Variants in COBL observed in about 807,000 individuals in gnomAD.
COBL encodes cordon-bleu WH2 repeat protein.
Under a neutral mutation model 98.8 loss-of-function variants are expected in COBL, and 51 were observed. That is an observed-to-expected ratio of 0.52 (90% CI 0.41 to 0.65). The LOEUF is 0.65. Ranked by LOEUF, COBL falls within the 30% of genes least tolerant of loss-of-function variation. The probability of loss-of-function intolerance (pLI) is 0.00; values close to 1 mark genes in which losing one functional copy is unlikely to be tolerated. For missense variants in COBL, 1,617 were observed against 1,617.5 expected (o/e 1.00, Z 0.01); for synonymous variants, 634 against 651.7 (o/e 0.97, Z 0.41).
chr7:51,083,941 A>G (rs1419266524), intron 7 of COBL, among the ~76,000 whole-genome samples: 1 of 152,156 alleles, frequency 6.6e-6, no homozygotes, highest in Non-Finnish European at 1.5e-5. Context: ...TTAAAATTTA[A>G]ACCAGGGGCT....
intron 5 of COBL, among the ~76,000 whole-genome samples, chr7:51,180,284 A>G (rs1788809167): frequency 6.6e-6 from 1 of 152,198 alleles, no homozygotes; most frequent in Non-Finnish European, 1.5e-5. Flanking sequence ...CCTTGTCGAC[A>G]TGGTTCCCTT....
At chr7:51,286,060 G>A (rs1393701926) in intron 1 of COBL, among the ~76,000 whole-genome samples, 4 of 152,106 alleles carry the variant, frequency 2.6e-5, no homozygotes, top group Admixed American at 2.6e-4. Context: ...AGAAGTAGCA[G>A]AAGAACTTCG....
intron 4 of COBL, among the ~76,000 whole-genome samples, chr7:51,189,358 G>A (rs557557644): frequency 6.6e-6 from 1 of 152,312 alleles, no homozygotes; most frequent in African/African-American, 2.4e-5. Context: ...ATATGGCCAG[G>A]CGCAGTGGCT....
At chr7:51,239,845 G>A (rs1795610033) in intron 1 of COBL, among the ~76,000 whole-genome samples, 2 of 152,166 alleles carry the variant, frequency 1.3e-5, no homozygotes, top group African/African-American at 4.8e-5. Flanking sequence ...TTTATTGATT[G>A]TCTAGATCAG....
At chr7:51,073,265 G>A (rs1792737803) in intron 7 of COBL, 4 of 614,754 alleles carry the variant, frequency 6.5e-6, no homozygotes, top group Non-Finnish European at 1.2e-5. Context: ...CCTGAAAGGA[G>A]GAAGAACAAC....
At chr7:51,172,881 T>C (rs942189181) in intron 5 of COBL, among the ~76,000 whole-genome samples, 1 of 152,018 alleles carries the variant, frequency 6.6e-6, no homozygotes, top group African/African-American at 2.4e-5. Flanking sequence ...CTCCACCTCC[T>C]GGGTTTGAGT....
chr7:51,311,543 A>C (rs1803039907), intron 1 of COBL, among the ~76,000 whole-genome samples: 1 of 152,236 alleles, frequency 6.6e-6, no homozygotes, highest in African/African-American at 2.4e-5. Flanking sequence ...CAAGAGGAAA[A>C]AAGTTTTAAT....
intron 1 of COBL, among the ~76,000 whole-genome samples, chr7:51,273,583 T>C (rs1220757054): frequency 6.6e-6 from 1 of 152,194 alleles, no homozygotes; most frequent in Non-Finnish European, 1.5e-5. Flanking sequence ...CACCTGCTTC[T>C]GCCGTTAGAC....
intron 5 of COBL, among the ~76,000 whole-genome samples, chr7:51,159,408 C>T (rs903251084): frequency 9.2e-5 from 14 of 152,138 alleles, no homozygotes; most frequent in African/African-American, 2.9e-4. Flanking sequence ...ACTGTGATGG[C>T]GGAGATGTCA....
chr7:51,192,853 T>G (rs1790241835), intron 3 of COBL, among the ~76,000 whole-genome samples: 1 of 152,184 alleles, frequency 6.6e-6, no homozygotes, highest in African/African-American at 2.4e-5. Flanking sequence ...AGAACTACAC[T>G]GTCCAATCAG....
intron 6 of COBL, among the ~76,000 whole-genome samples, chr7:51,109,131 C>T (rs370305207): frequency 1.3e-5 from 2 of 152,204 alleles, no homozygotes; most frequent in Non-Finnish European, 2.9e-5. Flanking sequence ...CACCAGGCAG[C>T]CTCTTCCCTC....
intron 1 of COBL, among the ~76,000 whole-genome samples, chr7:51,268,727 C>T (rs1383850997): frequency 2.0e-5 from 3 of 151,864 alleles, no homozygotes; most frequent in African/African-American, 4.8e-5. Context: ...GTCGGGAGTT[C>T]GAGACCAGCC....
intron 2 of COBL, among the ~76,000 whole-genome samples, chr7:51,198,317 G>A (rs1025558035): frequency 3.9e-5 from 6 of 152,136 alleles, no homozygotes; most frequent in African/African-American, 1.4e-4. Flanking sequence ...TTTCTTTAAG[G>A]ATATTGAATA....
intron 6 of COBL, among the ~76,000 whole-genome samples, chr7:51,127,302 C>T (rs989044159): frequency 9.8e-5 from 15 of 152,302 alleles, no homozygotes; most frequent in South Asian, 4.1e-4. Flanking sequence ...GCAGGGGGGA[C>T]GGGGCCACTG....
chr7:51,229,990 C>A (rs1403523606), intron 1 of COBL, among the ~76,000 whole-genome samples: 1 of 152,158 alleles, frequency 6.6e-6, no homozygotes, highest in Non-Finnish European at 1.5e-5. Context: ...TTAGCCCCTG[C>A]TGCCTTATCT....
intron 1 of COBL, among the ~76,000 whole-genome samples, chr7:51,222,598 T>C (rs1361423494): frequency 6.6e-6 from 1 of 151,772 alleles, no homozygotes; most frequent in Non-Finnish European, 1.5e-5. Context: ...ATTTCAGAGA[T>C]GGAAAAAATC....
chr7:51,307,764 C>T (rs17756186), intron 1 of COBL, among the ~76,000 whole-genome samples: 51,934 of 152,046 alleles, frequency 0.34, 9,913 homozygotes, highest in South Asian at 0.44. Flanking sequence ...TGGCTTGTGC[C>T]GTTGAAACCA....
intron 7 of COBL, among the ~76,000 whole-genome samples, chr7:51,081,421 C>T (rs1347907211): frequency 1.2e-4 from 19 of 152,234 alleles, no homozygotes; most frequent in East Asian, 3.9e-4. Context: ...CTCTCCGCCA[C>T]TTCGCTCTCC....
intron 5 of COBL, among the ~76,000 whole-genome samples, chr7:51,158,722 G>T (rs931154141): frequency 1.3e-5 from 2 of 152,174 alleles, no homozygotes; most frequent in Admixed American, 6.5e-5. Flanking sequence ...GGCAAAAGTC[G>T]GGGAGGAAAC....
Sources: allele counts gnomAD v4.1 joint callset (sites outside exome capture counted in the v4.1 genomes callset), GRCh38; gene constraint gnomAD v4.1.1; transcripts MANE v1.5; gene names NCBI Gene and HGNC (gene_info 2026-07-23, HGNC 2026-07-21).